Variants in WSCD2 observed in about 807,000 individuals in gnomAD.
The protein encoded by WSCD2 is WSC domain sialate O sulfotransferase 2.
WSCD2 carries 28 observed loss-of-function variants against 55.7 expected under a neutral mutation model. The ratio of observed to expected loss-of-function variants is 0.50; its 90% confidence interval spans 0.37 to 0.69. The LOEUF is 0.69. Ranked by LOEUF, WSCD2 falls within the 30% of genes least tolerant of loss-of-function variation. WSCD2 has a pLI of 0.00. For missense variants in WSCD2, 616 were observed against 762.1 expected, an observed-to-expected ratio of 0.81 and a Z score of 2.26; for synonymous variants, 301 against 301.9, an observed-to-expected ratio of 1.00 and a Z score of 0.03.
At chr12:108,194,242 A>C (rs927549127) in intron 1 of WSCD2, among the ~76,000 whole-genome samples, 1 of 152,118 alleles carries the variant, frequency 6.6e-6, no homozygotes, top group African/African-American at 2.4e-5. Context: ...AAAGGTTAGG[A>C]ATCTATATTC....
chr12:108,221,105 C>G (rs1887463974), intron 4 of WSCD2, among the ~76,000 whole-genome samples: 1 of 152,154 alleles, frequency 6.6e-6, no homozygotes, highest in Non-Finnish European at 1.5e-5. Flanking sequence ...AGGAACTCAG[C>G]AAATTCAAGT....
intron 4 of WSCD2, among the ~76,000 whole-genome samples, chr12:108,218,699 A>G (rs1417707007): frequency 6.6e-6 from 1 of 152,222 alleles, no homozygotes; most frequent in East Asian, 1.9e-4. Context: ...AGGACCCCAA[A>G]GACCACCCTG....
Position 108,195,704 on chromosome 12 carries a change from T to C in WSCD2, c.-129T>C. ...CCTTCTGGCCTTGGTGATCACTTTT[T>C]CAGGAAGAGTGAGACTGAGGACCCC... On this transcript the variant is annotated 5_prime_UTR_variant, in exon 2 of 9. Transcript: ENST00000547525. 1 of 1,319,146 alleles carries C rather than the reference T, an allele frequency of 7.6e-7. No individual in the cohort carries two copies. Among genetic ancestry groups the C allele is most frequent in the Non-Finnish European group, 1.0e-6 (1 of 978,610 alleles). 81.7% of individuals were successfully genotyped at this position (1,319,146 alleles called of 1,614,324 possible). A position where few individuals can be genotyped will look rare whatever the true frequency, so the allele number is the denominator to read the frequency against.
At chr12:108,172,584 C>A (rs1214501222) in intron 1 of WSCD2, among the ~76,000 whole-genome samples, 1 of 151,988 alleles carries the variant, frequency 6.6e-6, no homozygotes, top group Non-Finnish European at 1.5e-5. Context: ...CATGCAGACA[C>A]ACAGAGAGAA....
chr12:108,236,891 A>G (rs758829128), intron 7 of WSCD2, among the ~76,000 whole-genome samples: 8 of 151,760 alleles, frequency 5.3e-5, no homozygotes, highest in Non-Finnish European at 8.8e-5. Flanking sequence ...CAGAGACCTC[A>G]TTGTCCTAAT....
intron 1 of WSCD2, among the ~76,000 whole-genome samples, chr12:108,152,472 G>A (rs572328301): frequency 1.3e-5 from 2 of 152,264 alleles, no homozygotes; most frequent in East Asian, 1.9e-4. Flanking sequence ...GAAATACAGG[G>A]TCGGGCAGGT....
At chr12:108,183,151 C>T (rs1242680157) in intron 1 of WSCD2, among the ~76,000 whole-genome samples, 2 of 152,206 alleles carry the variant, frequency 1.3e-5, no homozygotes, top group Non-Finnish European at 2.9e-5. Flanking sequence ...TGATGAGAAA[C>T]TCTGGTCGTG....
At position 108,136,036 on chromosome 12, in the gene WSCD2, C is replaced by A. The variant is rs564834929; in HGVS notation, c.-552+6110C>A. On this transcript the variant is annotated intron_variant, in intron 1 of 8. Transcript: ENST00000547525. Reference sequence around the variant, plus strand: ...GGTCCTGAGCTTTGGACTAGGATGACCAAGGCAAAAATCTGATGGATTCGG... The same window carrying A: ...GGTCCTGAGCTTTGGACTAGGATGAACAAGGCAAAAATCTGATGGATTCGG... 1.3e-3 allele frequency among the ~76,000 whole-genome samples: 201 copies of A among 152,296 alleles called. 2 individuals carry two copies. Among genetic ancestry groups the A allele is most frequent in the Non-Finnish European group, 2.2e-3 (148 of 68,020 alleles).
chr12:108,196,422 C>T (rs1036767761), intron 2 of WSCD2: 7 of 767,764 alleles, frequency 9.1e-6, no homozygotes, highest in African/African-American at 7.0e-5. Flanking sequence ...CAAGGTCACA[C>T]AGCTTGTCAA....
chr12:108,181,121 C>T (rs899178673), intron 1 of WSCD2, among the ~76,000 whole-genome samples: 1 of 152,198 alleles, frequency 6.6e-6, no homozygotes, highest in Non-Finnish European at 1.5e-5. Flanking sequence ...CCTGTGCTAT[C>T]TATGAGAAAT....
rs115200984 is a variant in WSCD2 at position 108,194,651 on chromosome 12, T to C, written c.-551-631T>C. 5.0e-3 allele frequency among the ~76,000 whole-genome samples: 758 copies of C among 152,288 alleles called. 6 individuals carry two copies. The highest frequency in any genetic ancestry group is 0.018 in the African/African-American group (731 of 41,544). ...TCAATAAACACTGAATGGACAAATA[T>C]GCTGCTAAATAACCCTACTTTCCTT... On this transcript the variant is annotated intron_variant, in intron 1 of 8. Transcript: ENST00000547525.
At chr12:108,206,084 C>T (rs975227169) in intron 2 of WSCD2, among the ~76,000 whole-genome samples, 3 of 152,218 alleles carry the variant, frequency 2.0e-5, no homozygotes, top group African/African-American at 7.2e-5. Flanking sequence ...GAAGGCTTCA[C>T]TCCTCTCTAT....
chr12:108,161,453 T>C (rs1488017998), intron 1 of WSCD2, among the ~76,000 whole-genome samples: 4 of 152,076 alleles, frequency 2.6e-5, no homozygotes, highest in Admixed American at 2.0e-4. Context: ...AGAAAGGACA[T>C]GGGAACAGGA....
intron 2 of WSCD2, among the ~76,000 whole-genome samples, chr12:108,197,403 AG>A (rs5800813): frequency 0.58 from 87,498 of 151,868 alleles, 25,531 homozygotes; most frequent in East Asian, 0.73. Context: ...CAATGCTCAC[AG>A]GGAGGCAAAG....
chr12:108,188,965 A>T (rs922084519), intron 1 of WSCD2, among the ~76,000 whole-genome samples: 3 of 152,196 alleles, frequency 2.0e-5, no homozygotes, highest in Admixed American at 6.5e-5. Flanking sequence ...CCGATGTCTC[A>T]TCATTGTTGA....
chr12:108,147,337 G>T (rs547056619), intron 1 of WSCD2, among the ~76,000 whole-genome samples: 2 of 152,342 alleles, frequency 1.3e-5, no homozygotes, highest in East Asian at 3.9e-4. Flanking sequence ...AGACTGGGGA[G>T]CCTGCAGGGC....
chr12:108,195,592 G>T lies in WSCD2; in HGVS notation c.-241G>T. ...TTCTGAGCCTCAAAACCCCCTTGTT[G>T]GCCCAAAGAAGCTCACCTTCAGTTT... is the stretch of plus-strand genomic sequence containing the variant. On this transcript the variant is annotated 5_prime_UTR_variant, in exon 2 of 9. Transcript: ENST00000547525. 1 of 548,490 alleles carries T rather than the reference G, an allele frequency of 1.8e-6. No individual in the cohort carries two copies. The allele number at this position is 548,490 out of a possible 1,614,324, so 34.0% of individuals were successfully genotyped here.
At chr12:108,150,435 C>T (rs1374326687) in intron 1 of WSCD2, among the ~76,000 whole-genome samples, 1 of 152,114 alleles carries the variant, frequency 6.6e-6, no homozygotes, top group Non-Finnish European at 1.5e-5. Flanking sequence ...GAAAGGGTCT[C>T]TCCCAGGAAG....
intron 1 of WSCD2, among the ~76,000 whole-genome samples, chr12:108,191,127 C>T (rs750196809): frequency 2.0e-5 from 3 of 152,218 alleles, no homozygotes; most frequent in South Asian, 2.1e-4. Flanking sequence ...CAGCCCCTGT[C>T]TCACCCAGGG....
Sources: gnomAD v4.1 joint callset for allele counts (sites outside exome capture counted in the v4.1 genomes callset) on GRCh38, gnomAD v4.1.1 for gene constraint, MANE v1.5 for transcripts, NCBI Gene and HGNC (gene_info 2026-07-23, HGNC 2026-07-21) for gene names.